The following PLCD1 variants were observed in gnomAD, a reference collection of about 807,000 sequenced individuals.
PLCD1 encodes the protein 1-phosphatidylinositol 4,5-bisphosphate phosphodiesterase delta-1.
PLCD1 carries 71 observed loss-of-function variants against 87.4 expected under a neutral mutation model. The observed-to-expected ratio is 0.81, with a 90% CI of 0.67 to 0.99. The LOEUF is 0.99. Among genes scored for constraint, PLCD1 ranks in the 50% least tolerant of loss-of-function variants. The pLI, the probability that PLCD1 is intolerant of heterozygous loss-of-function variation, is 0.00. For synonymous variants in PLCD1, 348 were observed against 399.2 expected (o/e 0.87, Z 1.53); for missense variants, 867 against 1,001.5 (o/e 0.87, Z 1.81).
In PLCD1 at chr3:38,008,637, C is replaced by T. The variant is rs1700008290; in HGVS notation, c.1724-1G>A. 1.2e-6 allele frequency: 2 copies of T among 1,613,808 alleles called. No individual in the cohort carries two copies. The highest frequency in any genetic ancestry group is 1.7e-5 in the Admixed American group (1 of 60,004). Reference sequence around the variant, plus strand: ...CCAGGTGTCTGGAAATTCAGGGCCACTACAGGCAGGACAGAGCAGTCACAG... The same window carrying T: ...CCAGGTGTCTGGAAATTCAGGGCCATTACAGGCAGGACAGAGCAGTCACAG... On this transcript the variant is annotated splice_acceptor_variant, in intron 11 of 14. Transcript: ENST00000334661. LOFTEE classifies it high-confidence loss of function.
At chr3:38,022,489 A>G (rs944505234) in intron 1 of PLCD1, among the ~76,000 whole-genome samples, 1 of 152,206 alleles carries the variant, frequency 6.6e-6, no homozygotes, top group Non-Finnish European at 1.5e-5. Context: ...AGCCACTGCC[A>G]ACAGCATGTA....
intron 1 of PLCD1, chr3:38,024,703 G>GC: frequency 6.8e-7 from 1 of 1,479,816 alleles, no homozygotes; most frequent in Non-Finnish European, 9.0e-7. Flanking sequence ...CGGGACCTAT[G>GC]CCCCCTGAAG....
At position 38,011,353 on chromosome 3, in the gene PLCD1, G is replaced by A. The variant is rs776243771; in HGVS notation, c.651C>T (p.Thr217=). 2 of 1,612,926 alleles carry A rather than the reference G, an allele frequency of 1.2e-6. No individual in the cohort carries two copies. The highest frequency in any genetic ancestry group is 1.7e-6 in the Non-Finnish European group (2 of 1,180,044). ...CCCCTGAGCCCGCGGCCTCGGCGAAGGTGCGGTCGATCTCCACCCGCTGGG... is the reference window on the plus strand; with the variant it reads ...CCCCTGAGCCCGCGGCCTCGGCGAAAGTGCGGTCGATCTCCACCCGCTGGG... ...MLTQRVEIDR[T]FAEAAGSGET... The change falls in exon 5 of 15, where the codon ACC becomes ACT. Residue 217 remains threonine, a synonymous_variant. Transcript: ENST00000334661.
chr3:38,012,689 G>A (rs779618650), intron 3 of PLCD1, among the ~76,000 whole-genome samples: 3 of 151,872 alleles, frequency 2.0e-5, no homozygotes, highest in Non-Finnish European at 4.4e-5. Flanking sequence ...GCTAATTTTT[G>A]TATTTTTAGT....
rs779678827 is a variant in PLCD1, at chr3:38,009,339, A to G, written c.1539T>C (p.Pro513=). 2 of 1,614,042 alleles carry G rather than the reference A, an allele frequency of 1.2e-6. No individual in the cohort carries two copies. Among genetic ancestry groups the G allele is most frequent in the Non-Finnish European group, 1.7e-6 (2 of 1,179,878 alleles). The change falls in exon 10 of 15, where the codon CCT becomes CCC. Residue 513 remains proline, a synonymous_variant. Transcript: ENST00000334661. ...ACGCCATCTCGTAGAAGGCCTGTCC[A>G]GGGGTGCCAGGACTGGAGAAGCCCC... ...HFGGFSSPGT[P]GQAFYEMASF... is the part of the protein sequence containing the mutation.
chr3:38,010,414 G>A lies in PLCD1; in HGVS notation c.939C>T (p.Thr313=). The change falls in exon 6 of 15, where the codon ACC becomes ACT. Residue 313 remains threonine, a synonymous_variant. Transcript: ENST00000334661. The part of the protein sequence containing the change: ...SHYLVSSSHN[T]YLLEDQLAGP... ...CGGCTAGCTGGTCCTCCAGCAGGTA[G>A]GTGTTGTGTGAAGAGGACACCAGGT... 1 of 1,614,232 alleles carries A rather than the reference G, an allele frequency of 6.2e-7. No homozygotes were observed. The highest frequency in any genetic ancestry group is 8.5e-7 in the Non-Finnish European group (1 of 1,180,042).
chr3:38,022,510 G>C (rs1700249961), intron 1 of PLCD1, among the ~76,000 whole-genome samples: 1 of 152,228 alleles, frequency 6.6e-6, no homozygotes, highest in Non-Finnish European at 1.5e-5. Flanking sequence ...TGGGAATGGA[G>C]CTGGGAGCCA....
rs371467522 is a variant in PLCD1, at chr3:38,027,966, C to T, written c.34+1540G>A. On this transcript the variant is annotated intron_variant, in intron 1 of 14. Transcript: ENST00000334661. ...TGGACTGAGTTAGGCATTTGGGAGG[C>T]TGGTCTCAAATGGGGTGGGCCAGGG... 7.2e-4 allele frequency among the ~76,000 whole-genome samples: 109 copies of T among 152,294 alleles called. 1 individual carries two copies. Among genetic ancestry groups the T allele is most frequent in the African/African-American group, 2.5e-3 (105 of 41,558 alleles).
At position 38,020,202 on chromosome 3, in the gene PLCD1, G is replaced by C; in HGVS notation, c.185C>G (p.Pro62Arg). Residue 62 changes from proline to arginine, a missense_variant, in exon 2 of 15, where the codon CCG (proline) becomes CGG (arginine). Coordinates refer to ENST00000334661, the MANE Select transcript of PLCD1 (RefSeq NM_006225.4). ...WQESRKVMRT[P>R]ESQLFSIEDI... The stretch of plus-strand genomic sequence containing the variant: ...AGGGCACTCACACAGCTGGGACTCC[G>C]GGGTCCGCATGACCTTGCGGGACTC... 6.2e-7 allele frequency: 1 copy of C among 1,613,770 alleles called. No individual in the cohort carries two copies. The highest frequency in any genetic ancestry group is 8.5e-7 in the Non-Finnish European group (1 of 1,179,880).
chr3:38,011,737 A>C (rs894740917), intron 3 of PLCD1, 64 bp from the exon 4 acceptor site: 1 of 1,571,276 alleles, frequency 6.4e-7, no homozygotes, highest in African/African-American at 1.4e-5. Context: ...AGCCAGAGCC[A>C]TGGATGGCTC....
rs201532796 is a variant in PLCD1, at chr3:38,010,052, G to A, written c.1139C>T (p.Ala380Val). Residue 380 changes from alanine (A) to valine (V), a missense_variant and splice_region_variant, in exon 8 of 15, where the codon GCG (alanine) becomes GTG (valine). By Grantham distance (64) the Ala-to-Val change is moderately conservative (BLOSUM62 0). Transcript: ENST00000334661. ...GGATAGGATGACAGGGTAGGGGGACGCCTGGAGGCCCAAGGGCACATTAGG... is the reference window on the plus strand; with the variant it reads ...GGATAGGATGACAGGGTAGGGGGACACCTGGAGGCCCAAGGGCACATTAGG... Reference protein sequence around the residue: ...LRAIRDYAFKASPYPVILSLE... With the variant: ...LRAIRDYAFKVSPYPVILSLE... 92 of 1,614,172 alleles carry A rather than the reference G, an allele frequency of 5.7e-5. 2 individuals are homozygous for A. In the Middle Eastern group the frequency reaches 1.5e-3, roughly 26 times the overall value.
intron 3 of PLCD1, among the ~76,000 whole-genome samples, chr3:38,012,409 C>A (rs968815256): frequency 1.3e-5 from 2 of 152,056 alleles, no homozygotes; most frequent in African/African-American, 4.8e-5. Flanking sequence ...CTTGGCTGGA[C>A]CATTCTAAAC....
rs73825466 is a variant in PLCD1, at chr3:38,020,201, C to T, written c.186G>A (p.Pro62=). Residue 62 remains proline (P), a synonymous_variant, in exon 2 of 15, where the codon CCG becomes CCA. Transcript: ENST00000334661. ...CAGGGCACTCACACAGCTGGGACTC[C>T]GGGGTCCGCATGACCTTGCGGGACT... The part of the protein sequence containing the change: ...WQESRKVMRT[P]ESQLFSIEDI... The T allele has an allele frequency of 9.9e-3, 15,911 of 1,613,842 alleles. 187 individuals carry two copies. The highest frequency in any genetic ancestry group is 0.056 in the African/African-American group (4,165 of 75,004).
intron 3 of PLCD1, among the ~76,000 whole-genome samples, chr3:38,013,685 A>G (rs1376944811): frequency 6.6e-6 from 1 of 152,240 alleles, no homozygotes; most frequent in Non-Finnish European, 1.5e-5. Flanking sequence ...TATAAATTAG[A>G]ATGGCTTTAT....
intron 1 of PLCD1, among the ~76,000 whole-genome samples, chr3:38,026,305 G>A (rs1253133275): frequency 1.3e-5 from 2 of 152,128 alleles, no homozygotes; most frequent in Admixed American, 1.3e-4. Flanking sequence ...GATCACTTAA[G>A]GTCAGGAGTT....
rs776435867 is a variant in PLCD1, at chr3:38,009,956, A to C, written c.1235T>G (p.Met412Arg). Residue 412 changes from methionine to arginine, a missense_variant, in exon 8 of 15, where the codon ATG (methionine) becomes AGG (arginine). By Grantham distance (91) the Met-to-Arg change is moderately conservative. Coordinates refer to ENST00000334661, the MANE Select transcript of PLCD1 (RefSeq NM_006225.4). ...CCCATCCAGTGGTCGGTTCAACAGC[A>C]TGGGGCCCAGGATGGCATGCAGGTG... The part of the protein sequence containing the change: ...ARHLHAILGP[M>R]LLNRPLDGVT... 1.8e-5 allele frequency: 29 copies of C among 1,613,508 alleles called. No homozygotes were observed. In the East Asian group the frequency reaches 6.0e-4, roughly 33 times the overall value.
Position 38,008,646 on chromosome 3 carries a change from G to A in PLCD1, c.1724-10C>T, listed in dbSNP as rs1700008445. The A allele has an allele frequency of 6.2e-7, 1 of 1,613,598 alleles. No homozygotes were observed. The highest frequency in any genetic ancestry group is 8.5e-7 in the Non-Finnish European group (1 of 1,179,676). ...TGGAAATTCAGGGCCACTACAGGCA[G>A]GACAGAGCAGTCACAGGCTGTGGGC... is the stretch of plus-strand genomic sequence containing the variant. On this transcript the variant is annotated splice_polypyrimidine_tract_variant and intron_variant, in intron 11 of 14. Coordinates refer to ENST00000334661, the MANE Select transcript of PLCD1 (RefSeq NM_006225.4).
chr3:38,029,437 A>G lies in PLCD1; in HGVS notation c.34+69T>C. On this transcript the variant is annotated intron_variant, in intron 1 of 14. Transcript: ENST00000334661. ...CGAAGGAGCTGGGGGCTCCCTGTCCAGGGCCCGGAACAGCTTTCCAGGGGT... is the reference window on the plus strand; with the variant it reads ...CGAAGGAGCTGGGGGCTCCCTGTCCGGGGCCCGGAACAGCTTTCCAGGGGT... The G allele has an allele frequency of 2.1e-6, 3 of 1,398,432 alleles. No individual in the cohort carries two copies. In the South Asian group the frequency reaches 3.7e-5, roughly 17 times the overall value. The allele number at this position is 1,398,432 out of a possible 1,614,324, so 86.6% of individuals were successfully genotyped here. A position where few individuals can be genotyped will look rare whatever the true frequency, so the allele number is the denominator to read the frequency against.
rs1048309568 is a variant in PLCD1 at position 38,009,942 on chromosome 3, G to A, written c.1249C>T (p.Pro417Ser). The A allele has an allele frequency of 1.2e-6, 2 of 1,613,142 alleles. No individual in the cohort carries two copies. Among genetic ancestry groups the A allele is most frequent in the Non-Finnish European group, 1.7e-6 (2 of 1,179,372 alleles). The change falls in exon 8 of 15, where the codon CCA (proline) becomes TCA (serine). Residue 417 changes from proline (P) to serine (S), a missense_variant. Coordinates refer to ENST00000334661, the MANE Select transcript of PLCD1 (RefSeq NM_006225.4). ...AILGPMLLNR[P>S]LDGVTNSLPS... ...AGGCTGTTGGTGACCCCATCCAGTG[G>A]TCGGTTCAACAGCATGGGGCCCAGG...
Sources: gnomAD v4.1 joint callset for allele counts (sites outside exome capture counted in the v4.1 genomes callset) on GRCh38, gnomAD v4.1.1 for gene constraint, MANE v1.5 for transcripts, NCBI Gene and HGNC (gene_info 2026-07-23, HGNC 2026-07-21) for gene names.